Variants in HMGCLL1 observed in about 807,000 individuals in gnomAD.
HMGCLL1 encodes 3-hydroxy-3-methylglutaryl-CoA lyase like 1.
A neutral mutation model predicts 39.1 loss-of-function variants in HMGCLL1; 36 were observed. The observed-to-expected ratio is 0.92, with a 90% CI of 0.71 to 1.22. HMGCLL1 has a LOEUF of 1.22. HMGCLL1 is among the 50% of genes most tolerant of loss of function. The pLI is 0.00. For missense variants in HMGCLL1, 451 were observed against 416.5 expected (o/e 1.08, Z -0.72); for synonymous variants, 149 against 144.0 (o/e 1.03, Z -0.25).
the HMGCLL1 span, among the ~76,000 whole-genome samples, chr6:55,650,906 C>T: frequency 6.7e-6 from 1 of 150,216 alleles, no homozygotes; most frequent in Non-Finnish European, 1.5e-5. Context: ...TTGGTGAATA[C>T]TGCCAGGCCT....
At chr6:55,672,943 G>A in the HMGCLL1 span, among the ~76,000 whole-genome samples, 1 of 151,820 alleles carries the variant, frequency 6.6e-6, no homozygotes, top group Non-Finnish European at 1.5e-5. Context: ...AGTATGTCAG[G>A]ACTAAGATTT....
At chr6:55,669,717 G>C in the HMGCLL1 span, among the ~76,000 whole-genome samples, 3,041 of 151,816 alleles carry the variant, frequency 0.02, 105 homozygotes, top group African/African-American at 0.069. Context: ...CCAAATTAAA[G>C]GCTCACTGGA....
In HMGCLL1 at chr6:55,511,869, A is replaced by T. The variant is rs906460133; in HGVS notation, c.542+2179T>A. On this transcript the variant is annotated intron_variant, in intron 5 of 8. Coordinates refer to ENST00000274901, the MANE Select transcript of HMGCLL1 (RefSeq NM_001042406.2). ...AAAATGAGAGTGTTTCAGAAAATTC[A>T]GGAGTTGTACTCCAAAGGAACAAAA... Among the ~76,000 whole-genome samples, 14 of 152,272 alleles carry T rather than the reference A, an allele frequency of 9.2e-5. No individual in the cohort carries two copies. The South Asian group carries it at 2.9e-3, about 32-fold the overall frequency.
Position 55,494,803 on chromosome 6 carries a change from A to G in HMGCLL1, c.795+616T>C, listed in dbSNP as rs550998070. ...ATAATACTCGTTTAATGCTACTTAC[A>G]GCTATTCTTTCAAATGAATACATTT... On this transcript the variant is annotated intron_variant, in intron 7 of 8. Transcript: ENST00000274901. 2.8e-4 allele frequency among the ~76,000 whole-genome samples: 42 copies of G among 152,322 alleles called. 1 individual carries two copies. In the South Asian group the frequency reaches 8.7e-3, roughly 32 times the overall value.
the HMGCLL1 span, among the ~76,000 whole-genome samples, chr6:55,627,922 A>ATATATATATATAGTATATATAG: frequency 4.2e-4 from 1 of 2,368 alleles, no homozygotes; most frequent in Non-Finnish European, 7.2e-4. Context: ...TATATATATA[A>ATATATATATATAGTATATATAG]TATATATACT....
chr6:55,549,053 A>AAGG lies in HMGCLL1; in HGVS notation c.109-6914_109-6913insCCT, dbSNP rs543190570. ...GTTATTTACATTATTTATTTTAATA[A>AAGG]ATAAAATTATTTATTCTTGTATTCA... On this transcript the variant is annotated intron_variant, in intron 1 of 8. Transcript: ENST00000274901. 3.5e-3 allele frequency among the ~76,000 whole-genome samples: 532 copies of AAGG among 151,776 alleles called. 15 individuals are homozygous for AAGG. The highest frequency in any genetic ancestry group is 0.012 in the African/African-American group (496 of 41,348).
the HMGCLL1 span, among the ~76,000 whole-genome samples, chr6:55,678,456 C>T: frequency 1.3e-5 from 2 of 151,950 alleles, no homozygotes; most frequent in Non-Finnish European, 2.9e-5. Context: ...GGGGGCCAAC[C>T]TATGTGTAAT....
At chr6:55,493,882 A>G (rs1174950451) in intron 7 of HMGCLL1, among the ~76,000 whole-genome samples, 7 of 151,614 alleles carry the variant, frequency 4.6e-5, no homozygotes, top group Non-Finnish European at 7.4e-5. Flanking sequence ...ACAGGCGCCC[A>G]CCACCACGCC....
In HMGCLL1 at chr6:55,495,456, T is replaced by A. The variant is rs1766522539; in HGVS notation, c.758A>T (p.Tyr253Phe). The stretch of plus-strand genomic sequence containing the variant: ...AAGGATATTTGCTAAGGCTTGTCCG[T>A]ATGTGTCATGACAGTGAACAGCAAG... ...GALAVHCHDT[Y>F]GQALANILTA... Residue 253 changes from tyrosine (Y) to phenylalanine (F), a missense_variant, in exon 7 of 9, where the codon TAC (tyrosine) becomes TTC (phenylalanine). Tyr to Phe is a conservative substitution (Grantham distance 22). Transcript: ENST00000274901. 1.2e-6 allele frequency: 2 copies of A among 1,613,928 alleles called. No homozygotes were observed. Among genetic ancestry groups the A allele is most frequent in the African/African-American group, 2.7e-5 (2 of 74,928 alleles).
chr6:55,656,607 G>A, the HMGCLL1 span, among the ~76,000 whole-genome samples: 1 of 151,946 alleles, frequency 6.6e-6, no homozygotes, highest in Non-Finnish European at 1.5e-5. Flanking sequence ...TAGGGTAGTG[G>A]AGCCACAACA....
the HMGCLL1 span, among the ~76,000 whole-genome samples, chr6:55,658,496 A>G: frequency 5.4e-3 from 818 of 152,090 alleles, 7 homozygotes; most frequent in Middle Eastern, 0.061. Context: ...TGGGCACAGA[A>G]TTAGAGTCAT....
At chr6:55,634,280 G>C in the HMGCLL1 span, among the ~76,000 whole-genome samples, 2 of 152,002 alleles carry the variant, frequency 1.3e-5, 1 homozygote, top group South Asian at 4.1e-4. Context: ...GGCATGGGGA[G>C]GAATGCTTGC....
At chr6:55,658,909 G>A in the HMGCLL1 span, among the ~76,000 whole-genome samples, 1 of 151,800 alleles carries the variant, frequency 6.6e-6, no homozygotes, top group Non-Finnish European at 1.5e-5. Flanking sequence ...CCCAGACTGG[G>A]GCATCAGAGG....
rs573986934 is a variant in HMGCLL1, at chr6:55,442,285, T to A, written c.796-2726A>T. The stretch of plus-strand genomic sequence containing the variant: ...CACAAAAATTTTGAATTCTTCTGTA[T>A]GGAAAATTTGTCCATTCTCATTTAT... On this transcript the variant is annotated intron_variant, in intron 7 of 8. Transcript: ENST00000274901. Among the ~76,000 whole-genome samples, 3 of 152,302 alleles carry A rather than the reference T, an allele frequency of 2.0e-5. No individual in the cohort carries two copies. The South Asian group carries it at 6.2e-4, about 32-fold the overall frequency.
chr6:55,608,644 GA>G, the HMGCLL1 span, among the ~76,000 whole-genome samples: 7 of 152,016 alleles, frequency 4.6e-5, no homozygotes, highest in African/African-American at 1.7e-4. Context: ...TGAAAATTAA[GA>G]AAAAAGAACT....
intron 1 of HMGCLL1, among the ~76,000 whole-genome samples, chr6:55,574,949 TATA>T (rs1346619964): frequency 1.3e-5 from 2 of 152,024 alleles, no homozygotes; most frequent in Admixed American, 1.3e-4. Flanking sequence ...ATTTTAGAAA[TATA>T]ATAGGTTTGA....
chr6:55,509,644 C>T (rs1336673657), intron 5 of HMGCLL1, among the ~76,000 whole-genome samples: 2 of 151,646 alleles, frequency 1.3e-5, no homozygotes, highest in East Asian at 1.9e-4. Context: ...CTTCATGGCA[C>T]GTGGGAAGAT....
chr6:55,478,072 A>C (rs911095489), intron 7 of HMGCLL1, among the ~76,000 whole-genome samples: 1 of 140,278 alleles, frequency 7.1e-6, no homozygotes, highest in Non-Finnish European at 1.5e-5. Context: ...TGAGCTACTG[A>C]TTCAGTGAGG....
the HMGCLL1 span, among the ~76,000 whole-genome samples, chr6:55,630,647 G>T: frequency 3.0e-3 from 459 of 152,148 alleles, 1 homozygote; most frequent in African/African-American, 0.01. Flanking sequence ...GGGACCTGGT[G>T]GAGGTAACTG....
Sources: gnomAD v4.1 joint callset for allele counts (sites outside exome capture counted in the v4.1 genomes callset) on GRCh38, gnomAD v4.1.1 for gene constraint, MANE v1.5 for transcripts, NCBI Gene and HGNC (gene_info 2026-07-23, HGNC 2026-07-21) for gene names.